SYT3: variants seen among roughly 807,000 people sequenced by gnomAD.
The protein encoded by SYT3 is synaptotagmin-3.
SYT3 carries 25 observed loss-of-function variants against 50.6 expected under a neutral mutation model. That is an observed-to-expected ratio of 0.49 (90% CI 0.36 to 0.69). The LOEUF (loss-of-function observed/expected upper bound fraction) is 0.69, where lower values mean the gene tolerates loss of function less well. SYT3 is among the 30% of genes least tolerant of loss of function. The pLI is 0.00. For missense variants in SYT3, 589 were observed against 793.6 expected (o/e 0.74, Z 3.10); for synonymous variants, 323 against 353.9 (o/e 0.91, Z 0.98).
chr19:50,627,059 C>A (rs2123001733), intron 6 of SYT3, among the ~76,000 whole-genome samples: 1 of 152,242 alleles, frequency 6.6e-6, no homozygotes, highest in East Asian at 1.9e-4. Flanking sequence ...TCAACCTCCA[C>A]CGAAGTTTCC....
At chr19:50,636,023 C>T (rs754165007) in intron 3 of SYT3, among the ~76,000 whole-genome samples, 2 of 152,082 alleles carry the variant, frequency 1.3e-5, no homozygotes, top group African/African-American at 2.4e-5. Context: ...GAGGCTGGGG[C>T]GGGTGGATCA....
the SYT3 span, among the ~76,000 whole-genome samples, chr19:50,653,968 G>C: frequency 1.3e-5 from 2 of 152,000 alleles, no homozygotes; most frequent in East Asian, 1.9e-4. Flanking sequence ...TGAGCTGGGA[G>C]GGGGGGATTT....
intron 3 of SYT3, among the ~76,000 whole-genome samples, chr19:50,635,100 T>C (rs1378189057): frequency 6.6e-6 from 1 of 152,092 alleles, no homozygotes; most frequent in African/African-American, 2.4e-5. Flanking sequence ...GTATTTTTAG[T>C]AGAGATAGGG....
In SYT3 at chr19:50,625,679, C is replaced by T. The variant is rs989446846; in HGVS notation, c.1403-115G>A. ...ACCCAGAGGTCCGGGGCCCCAGGCC[C>T]CCAGTCCCTCCTTCCTCAGGCCCAA... On this transcript the variant is annotated intron_variant, in intron 7 of 10. Transcript: ENST00000600079. This position sits in a 1 kb window ranked among gnomAD's most constrained non-coding sequence, Gnocchi z 7.5. 75 of 1,411,740 alleles carry T rather than the reference C, an allele frequency of 5.3e-5. No homozygotes were observed. The highest frequency in any genetic ancestry group is 6.8e-5 in the Non-Finnish European group (72 of 1,060,754). The allele number at this position is 1,411,740 out of a possible 1,614,324, so 87.5% of individuals were successfully genotyped here. A position where few individuals can be genotyped will look rare whatever the true frequency, so the allele number is the denominator to read the frequency against.
At chr19:50,653,667 T>C in the SYT3 span, among the ~76,000 whole-genome samples, 1 of 148,454 alleles carries the variant, frequency 6.7e-6, no homozygotes, top group East Asian at 2.0e-4. Context: ...TGTTGACTTA[T>C]TGTAATGAGA....
At position 50,633,014 on chromosome 19, in the gene SYT3, C is replaced by A. The variant is rs183896941; in HGVS notation, c.149-203G>T. On this transcript the variant is annotated intron_variant, in intron 3 of 10. Transcript: ENST00000600079. ...TTGTATTTTTTTAAAGAGATGGAAT[C>A]TCTGTTACTCAGGCTGGAGTGCAGT... Among the ~76,000 whole-genome samples, 12 of 152,288 alleles carry A rather than the reference C, an allele frequency of 7.9e-5. No homozygotes were observed. The East Asian group carries it at 2.3e-3, about 29-fold the overall frequency.
At position 50,622,377 on chromosome 19, in the gene SYT3, A is replaced by T. The variant is rs1983883001; in HGVS notation, c.*108T>A. On this transcript the variant is annotated 3_prime_UTR_variant, in exon 11 of 11. Coordinates refer to ENST00000600079, the MANE Select transcript of SYT3 (RefSeq NM_001160329.2). ...AAGCCTAGGGCCAGGGCTGCCCCGC[A>T]CCAGCAGCTCGGACGTTATGGCTTC... is the stretch of plus-strand genomic sequence containing the variant. The T allele has an allele frequency of 4.0e-6, 1 of 250,038 alleles. No individual in the cohort carries two copies. The highest frequency in any genetic ancestry group is 8.4e-5 in the East Asian group (1 of 11,882). The allele number at this position is 250,038 out of a possible 1,614,324, so 15.5% of individuals were successfully genotyped here.
chr19:50,643,163 G>T (rs964630948), upstream of SYT3, among the ~76,000 whole-genome samples: 11 of 152,002 alleles, frequency 7.2e-5, no homozygotes, highest in Non-Finnish European at 1.6e-4. Context: ...TTTGAGCTCA[G>T]GAGTTGAGAC....
rs529397903 is a variant in SYT3 at position 50,623,613 on chromosome 19, C to CAAAAAAAAAA, written c.1708-868_1708-859dup. Among the ~76,000 whole-genome samples the CAAAAAAAAAA allele has an allele frequency of 5.9e-4, 54 of 91,616 alleles. 3 individuals carry two copies. Among genetic ancestry groups the CAAAAAAAAAA allele is most frequent in the South Asian group, 8.9e-4 (2 of 2,242 alleles). The allele number at this position is 91,616 out of a possible 152,430, so 60.1% of individuals were successfully genotyped here. ...ACAACATGGCAAAACCCTGTCTCTACAAAAAAAAAAAAAAAAAAAAAAAAA... is the reference window on the plus strand; with the variant it reads ...ACAACATGGCAAAACCCTGTCTCTACAAAAAAAAAAAAAAAAAAAAAAAAAAAAAAAAAAA... On this transcript the variant is annotated intron_variant, in intron 9 of 10. Transcript: ENST00000600079.
chr19:50,625,243 G>C lies in SYT3; in HGVS notation c.1626C>G (p.Ala542=), dbSNP rs774640843. The change falls in exon 9 of 11, where the codon GCC becomes GCG. Residue 542 remains alanine, a synonymous_variant. Transcript: ENST00000600079. This position sits in a 1 kb window ranked among gnomAD's most constrained non-coding sequence, Gnocchi z 7.5. The stretch of plus-strand genomic sequence containing the variant: ...CCCAGTGCTCGCGGCCGTGCGGGTC[G>C]GCAGCGTCGGGGCCCACACGGCACA... ...IGVCRVGPDA[A]DPHGREHWAE... is the part of the protein sequence containing the mutation. 5.7e-6 allele frequency: 9 copies of C among 1,565,990 alleles called. No homozygotes were observed. In the Admixed American group the frequency reaches 1.5e-4, roughly 26 times the overall value.
intron 4 of SYT3, 123 bp from the exon 5 acceptor site, chr19:50,630,294 C>T: frequency 4.0e-6 from 4 of 1,005,096 alleles, no homozygotes; most frequent in Middle Eastern, 3.3e-4. Context: ...CCACAAGTCC[C>T]CTCCTTTGCT....
the SYT3 span, among the ~76,000 whole-genome samples, chr19:50,653,923 A>C: frequency 6.6e-6 from 1 of 151,868 alleles, no homozygotes; most frequent in Non-Finnish European, 1.5e-5. Flanking sequence ...AGATGGAGCT[A>C]ATGCTGGGGT....
At chr19:50,630,207 G>T (rs1203343631) in intron 4 of SYT3, 36 bp from the exon 5 acceptor site, 1 of 1,481,306 alleles carries the variant, frequency 6.8e-7, no homozygotes, top group East Asian at 2.4e-5. Flanking sequence ...GGTGAGGTCA[G>T]TGGCTCTGAT....
At chr19:50,636,423 C>A (rs1342149542) in intron 3 of SYT3, among the ~76,000 whole-genome samples, 1 of 152,210 alleles carries the variant, frequency 6.6e-6, no homozygotes, top group Non-Finnish European at 1.5e-5. Context: ...AGCCTCTGGG[C>A]AAGTGACTGC....
At chr19:50,641,420 C>T (rs924966182), upstream of SYT3, among the ~76,000 whole-genome samples, 5 of 151,348 alleles carry the variant, frequency 3.3e-5, no homozygotes, top group Middle Eastern at 3.4e-3. Context: ...CCACCCGCCT[C>T]GGCCTCCCAA....
chr19:50,649,496 A>G, the SYT3 span: 1 of 1,536,212 alleles, frequency 6.5e-7, no homozygotes, highest in Non-Finnish European at 8.7e-7. Context: ...CAGCCCCACC[A>G]TGCACAGGAA....
At chr19:50,636,040 G>A (rs1158003943) in intron 3 of SYT3, among the ~76,000 whole-genome samples, 1 of 152,136 alleles carries the variant, frequency 6.6e-6, no homozygotes, top group African/African-American at 2.4e-5. Context: ...ATCACTTGAG[G>A]TCAGGAGTTC....
upstream of SYT3, among the ~76,000 whole-genome samples, chr19:50,640,028 T>G (rs1984632077): frequency 6.6e-6 from 1 of 152,150 alleles, no homozygotes; most frequent in Non-Finnish European, 1.5e-5. Context: ...GTTTCCACAC[T>G]GGGGACCCAG....
chr19:50,624,907 C>T (rs779784763), intron 9 of SYT3: 3 of 381,464 alleles, frequency 7.9e-6, no homozygotes, highest in Non-Finnish European at 9.2e-6. Flanking sequence ...ACCTACAGAA[C>T]GTTTAACTCA....
Sources: gnomAD v4.1 joint callset for allele counts (sites outside exome capture counted in the v4.1 genomes callset) on GRCh38, gnomAD v4.1.1 for gene constraint, Gnocchi (gnomAD v3.1) non-coding constraint, MANE v1.5 for transcripts, NCBI Gene and HGNC (gene_info 2026-07-23, HGNC 2026-07-21) for gene names.